The following AGAP1 variants were observed in gnomAD, a reference collection of about 807,000 sequenced individuals.
The protein encoded by AGAP1 is ArfGAP with GTPase domain, ankyrin repeat and PH domain 1.
Under a neutral mutation model 105.3 loss-of-function variants are expected in AGAP1, and 29 were observed. The ratio of observed to expected loss-of-function variants is 0.28; its 90% CI spans 0.21 to 0.38. AGAP1 has a LOEUF of 0.38. Ranked by LOEUF, AGAP1 falls within the 10% of genes least tolerant of loss-of-function variation. The probability of loss-of-function intolerance (pLI) is 1.00; values close to 1 mark genes in which losing one functional copy is unlikely to be tolerated. For synonymous variants in AGAP1, 509 were observed against 485.9 expected (o/e 1.05, Z -0.63); for missense variants, 998 against 1,165.1 (o/e 0.86, Z 2.09).
In AGAP1 at chr2:235,750,526, G is replaced by C. The variant is rs1371881955; in HGVS notation, c.673+38G>C. On this transcript the variant is annotated intron_variant, in intron 6 of 17. Transcript: ENST00000304032. The surrounding 1 kb of genome is among the most constrained non-coding windows in gnomAD (Gnocchi z 5.3). ...GGCTGGGAGTTTAATTTCAGTTCAT[G>C]ATAGACGGGAGGCACTTCAAGAAGT... The C allele has an allele frequency of 6.2e-7, 1 of 1,611,988 alleles. No homozygotes were observed. Among genetic ancestry groups the C allele is most frequent in the Non-Finnish European group, 8.5e-7 (1 of 1,178,266 alleles).
intron 9 of AGAP1, among the ~76,000 whole-genome samples, chr2:235,837,955 G>A (rs1960359522): frequency 6.6e-6 from 1 of 152,092 alleles, no homozygotes; most frequent in African/African-American, 2.4e-5. Flanking sequence ...GGCTGAGGTG[G>A]GTAGATCACC....
In AGAP1 at chr2:236,044,183, C is replaced by T. The variant is rs116903342; in HGVS notation, c.1891+3342C>T. On this transcript the variant is annotated intron_variant, in intron 15 of 17. Coordinates refer to ENST00000304032, the MANE Select transcript of AGAP1 (RefSeq NM_001037131.3). This position sits in a 1 kb window ranked among gnomAD's most constrained non-coding sequence, Gnocchi z 5.7. ...AAGTTGCAGCCTTCGGACACCTGTG[C>T]TTCCGGGGAGTACTGCTCTGAAGCT... is the stretch of plus-strand genomic sequence containing the variant. Among the ~76,000 whole-genome samples, 1 of 152,298 alleles carries T rather than the reference C, an allele frequency of 6.6e-6. No individual in the cohort carries two copies. The highest frequency in any genetic ancestry group is 1.9e-4 in the East Asian group (1 of 5,176).
At chr2:235,696,877 G>C (rs933231027) in intron 1 of AGAP1, among the ~76,000 whole-genome samples, 2 of 151,960 alleles carry the variant, frequency 1.3e-5, no homozygotes, top group South Asian at 4.1e-4. Context: ...CTAGCTACTC[G>C]GGAGGCTGAG....
chr2:235,496,498 G>T (rs1350225422), intron 1 of AGAP1, among the ~76,000 whole-genome samples: 1 of 152,162 alleles, frequency 6.6e-6, no homozygotes, highest in Non-Finnish European at 1.5e-5. Flanking sequence ...AGGCTGCACG[G>T]TGCTCATTTC....
chr2:236,050,516 T>A lies in AGAP1; in HGVS notation c.2114+1235T>A, dbSNP rs1225837158. Among the ~76,000 whole-genome samples the A allele has an allele frequency of 6.6e-6, 1 of 152,254 alleles. No individual in the cohort carries two copies. Among genetic ancestry groups the A allele is most frequent in the African/African-American group, 2.4e-5 (1 of 41,478 alleles). ...AATTATGCACTTTAAAAAGTATTTA[T>A]CTTGATTTGTTTAATGCTACCATAG... On this transcript the variant is annotated intron_variant, in intron 16 of 17. Coordinates refer to ENST00000304032, the MANE Select transcript of AGAP1 (RefSeq NM_001037131.3). The surrounding 1 kb of genome is among the most constrained non-coding windows in gnomAD (Gnocchi z 4.0).
Position 235,946,284 on chromosome 2 carries a change from CTTT to C in AGAP1, c.1483+15378_1483+15380del, listed in dbSNP as rs34759426. ...ATTGGATCATAATAGGCTTTTTTTC[CTTT>C]TTTTTTTTTTTTTTTTGAGACAGAG... On this transcript the variant is annotated intron_variant, in intron 12 of 17. Coordinates refer to ENST00000304032, the MANE Select transcript of AGAP1 (RefSeq NM_001037131.3). 2.9e-3 allele frequency among the ~76,000 whole-genome samples: 334 copies of C among 114,022 alleles called. No individual in the cohort carries two copies. In the East Asian group the frequency reaches 0.03, roughly 10 times the overall value. 74.8% of individuals were successfully genotyped at this position (114,022 alleles called of 152,430 possible).
At chr2:235,510,146 T>C (rs1245274829) in intron 1 of AGAP1, among the ~76,000 whole-genome samples, 1 of 152,222 alleles carries the variant, frequency 6.6e-6, no homozygotes, top group African/African-American at 2.4e-5. Flanking sequence ...TTTTTCATTA[T>C]ATATTACAAT....
In AGAP1 at chr2:235,620,619, TCCTCCTCA is replaced by T. The variant is rs910542615; in HGVS notation, c.164-88548_164-88541del. Among the ~76,000 whole-genome samples, 6 of 152,154 alleles carry T rather than the reference TCCTCCTCA, an allele frequency of 3.9e-5. No homozygotes were observed. Among genetic ancestry groups the T allele is most frequent in the East Asian group, 1.9e-4 (1 of 5,164 alleles). On this transcript the variant is annotated intron_variant, in intron 1 of 17. Coordinates refer to ENST00000304032, the MANE Select transcript of AGAP1 (RefSeq NM_001037131.3). This position sits in a 1 kb window ranked among gnomAD's most constrained non-coding sequence, Gnocchi z 4.5. ...TGGCCTTCCTCCCAGCCACAGCCCCTCCTCCTCACCTCCTCACCTGCTTCCTATTTCCC... is the reference window on the plus strand; with the variant it reads ...TGGCCTTCCTCCCAGCCACAGCCCCTCCTCCTCACCTGCTTCCTATTTCCC...
At chr2:235,528,252 C>T (rs953320926) in intron 1 of AGAP1, among the ~76,000 whole-genome samples, 4 of 151,878 alleles carry the variant, frequency 2.6e-5, no homozygotes, top group African/African-American at 7.3e-5. Context: ...AACCTGGCCA[C>T]GTGGTTGGCA....
intron 1 of AGAP1, among the ~76,000 whole-genome samples, chr2:235,562,302 T>C (rs1289007223): frequency 6.6e-6 from 1 of 152,178 alleles, no homozygotes; most frequent in African/African-American, 2.4e-5. Context: ...CACGTGATTA[T>C]ACTTTTTGTC....
At chr2:235,772,146 C>T (rs1183442543) in intron 6 of AGAP1, among the ~76,000 whole-genome samples, 1 of 149,594 alleles carries the variant, frequency 6.7e-6, no homozygotes, top group Non-Finnish European at 1.5e-5. Context: ...ATTAATTAAC[C>T]AGCCACCATG....
intron 1 of AGAP1, chr2:235,524,582 T>C: frequency 5.4e-6 from 1 of 185,930 alleles, no homozygotes; most frequent in Non-Finnish European, 1.3e-5. Flanking sequence ...CCACCATGCC[T>C]TCCCCACATG....
rs1301110606 is a variant in AGAP1 at position 236,041,387 on chromosome 2, G to GT, written c.1891+555dup. 2.3e-3 allele frequency among the ~76,000 whole-genome samples: 326 copies of GT among 143,538 alleles called. 1 individual carries two copies. The highest frequency in any genetic ancestry group is 2.4e-3 in the Non-Finnish European group (161 of 65,846). The allele number at this position is 143,538 out of a possible 152,430, so 94.2% of individuals were successfully genotyped here. ...GGGTTTTGCCATCAAATGATGTCTT[G>GT]TTTTTTTTTGGTCTTAAATCCATTA... On this transcript the variant is annotated intron_variant, in intron 15 of 17. Coordinates refer to ENST00000304032, the MANE Select transcript of AGAP1 (RefSeq NM_001037131.3).
chr2:235,758,700 C>T (rs1243579193), intron 6 of AGAP1, among the ~76,000 whole-genome samples: 1 of 152,190 alleles, frequency 6.6e-6, no homozygotes, highest in Non-Finnish European at 1.5e-5. Context: ...CTGTAAGGCT[C>T]TGGCAGCACT....
At position 235,992,947 on chromosome 2, in the gene AGAP1, A is replaced by G. The variant is rs1351456781; in HGVS notation, c.1645+24324A>G. On this transcript the variant is annotated intron_variant, in intron 13 of 17. Transcript: ENST00000304032. The surrounding 1 kb of genome is among the most constrained non-coding windows in gnomAD (Gnocchi z 4.8). Reference sequence around the variant, plus strand: ...CCTGGGAGAACCTGGCTGGCCACATAGTGGAACTGGAAATGCCTCCATGCT... The same window carrying G: ...CCTGGGAGAACCTGGCTGGCCACATGGTGGAACTGGAAATGCCTCCATGCT... Among the ~76,000 whole-genome samples, 1 of 152,130 alleles carries G rather than the reference A, an allele frequency of 6.6e-6. No homozygotes were observed. The highest frequency in any genetic ancestry group is 1.5e-5 in the Non-Finnish European group (1 of 68,020).
At position 236,124,142 on chromosome 2, in the gene AGAP1, G is replaced by GCTCGCCGCACCTGGGACGCGGCAGC. The variant is rs767681770; in HGVS notation, c.*30_*54dup. The stretch of plus-strand genomic sequence containing the variant: ...ATCTGAGGAACAGCCGTGCCCGCCT[G>GCTCGCCGCACCTGGGACGCGGCAGC]CTCGCCGCACCTGGGACGCGGCAGC... On this transcript the variant is annotated 3_prime_UTR_variant, in exon 18 of 18. Coordinates refer to ENST00000304032, the MANE Select transcript of AGAP1 (RefSeq NM_001037131.3). This position sits in a 1 kb window ranked among gnomAD's most constrained non-coding sequence, Gnocchi z 5.1. The GCTCGCCGCACCTGGGACGCGGCAGC allele has an allele frequency of 5.0e-6, 8 of 1,610,040 alleles. No homozygotes were observed. Among genetic ancestry groups the GCTCGCCGCACCTGGGACGCGGCAGC allele is most frequent in the Middle Eastern group, 1.6e-4 (1 of 6,064 alleles).
At position 235,905,609 on chromosome 2, in the gene AGAP1, C is replaced by T. The variant is rs916853559; in HGVS notation, c.1156-3129C>T. Among the ~76,000 whole-genome samples, 1 of 152,202 alleles carries T rather than the reference C, an allele frequency of 6.6e-6. No homozygotes were observed. Among genetic ancestry groups the T allele is most frequent in the Admixed American group, 6.5e-5 (1 of 15,288 alleles). On this transcript the variant is annotated intron_variant, in intron 10 of 17. Transcript: ENST00000304032. This position sits in a 1 kb window ranked among gnomAD's most constrained non-coding sequence, Gnocchi z 4.2. ...CTGTCTCCCAGGTTCAAGCGATTCT[C>T]CTGCCTTAGCCTCCCAAGTAGCTGG...
At chr2:235,679,108 A>G (rs1475092588) in intron 1 of AGAP1, among the ~76,000 whole-genome samples, 2 of 152,228 alleles carry the variant, frequency 1.3e-5, no homozygotes, top group Non-Finnish European at 2.9e-5. Context: ...AAATTGCCAC[A>G]TGGAGAAAGC....
chr2:235,499,197 C>T (rs1240981420), intron 1 of AGAP1, among the ~76,000 whole-genome samples: 2 of 152,214 alleles, frequency 1.3e-5, no homozygotes, highest in South Asian at 2.1e-4. Flanking sequence ...CCCTGTTATT[C>T]ATACTTCCCA....
Sources: gnomAD v4.1 joint callset for allele counts (sites outside exome capture counted in the v4.1 genomes callset) on GRCh38, gnomAD v4.1.1 for gene constraint, Gnocchi (gnomAD v3.1) non-coding constraint, MANE v1.5 for transcripts, NCBI Gene and HGNC (gene_info 2026-07-23, HGNC 2026-07-21) for gene names.